NHS: variants seen among roughly 807,000 people sequenced by gnomAD.
NHS encodes actin remodeling regulator NHS.
A neutral mutation model predicts 72.5 loss-of-function variants in NHS; 5 were observed. The observed-to-expected ratio is 0.07, with a 90% CI of 0.04 to 0.14. The LOEUF (loss-of-function observed/expected upper bound fraction) is 0.14. NHS is among the 10% of genes least tolerant of loss of function. The probability of loss-of-function intolerance (pLI) is 1.00; values close to 1 mark genes in which losing one functional copy is unlikely to be tolerated. For missense variants in NHS, 1,072 were observed against 1,355.7 expected (o/e 0.79, Z 3.29); for synonymous variants, 464 against 547.7 (o/e 0.85, Z 2.13).
rs763232876 is a variant in NHS, at chrX:17,725,620, G to A, written c.1514G>A (p.Arg505Gln). The A allele has an allele frequency of 4.8e-5, 58 of 1,209,409 alleles. No individual in the cohort carries two copies. In the Middle Eastern group the frequency reaches 2.5e-3, roughly 53 times the overall value. ...TPAVSSRTRS[R>Q]SLPREGNRGG... ...GCAGTGAGCAGCCGCACAAGATCTCGGAGCCTTCCCCGGGAAGGTAATAGA... is the reference window on the plus strand; with the variant it reads ...GCAGTGAGCAGCCGCACAAGATCTCAGAGCCTTCCCCGGGAAGGTAATAGA... Residue 505 changes from arginine (R) to glutamine (Q), a missense_variant, in exon 7 of 9, where the codon CGG becomes CAG. Coordinates refer to ENST00000676302, the MANE Select transcript of NHS (RefSeq NM_001291867.2).
At chrX:17,730,364 C>T (rs994039353) in intron 8 of NHS, among the ~76,000 whole-genome samples, 2 of 111,954 alleles carry the variant, frequency 1.8e-5, no homozygotes, top group South Asian at 3.7e-4. Context: ...CTATAGCTCA[C>T]GTATTTGATT....
chrX:17,388,269 A>G (rs1201162543), intron 1 of NHS, among the ~76,000 whole-genome samples: 1 of 111,962 alleles, frequency 8.9e-6, no homozygotes, highest in Admixed American at 9.5e-5. Flanking sequence ...GACAAATCCT[A>G]AATAATAAAC....
intron 1 of NHS, among the ~76,000 whole-genome samples, chrX:17,595,924 G>T (rs1569290154): frequency 9.0e-6 from 1 of 111,527 alleles, no homozygotes; most frequent in Non-Finnish European, 1.9e-5. Context: ...GCGGAAAAGT[G>T]AATTTATATG....
At chrX:17,444,575 T>C (rs1319332755) in intron 1 of NHS, among the ~76,000 whole-genome samples, 1 of 111,862 alleles carries the variant, frequency 8.9e-6, no homozygotes, top group East Asian at 2.8e-4. Context: ...GTGATTCTAA[T>C]ATACAGCCAA....
intron 1 of NHS, among the ~76,000 whole-genome samples, chrX:17,456,416 G>A (rs2064826075): frequency 9.0e-6 from 1 of 111,695 alleles, no homozygotes; most frequent in Admixed American, 9.5e-5. Flanking sequence ...AAGGGAGAGA[G>A]GAAAGAGAGT....
At chrX:17,563,845 T>G (rs2065428140) in intron 1 of NHS, among the ~76,000 whole-genome samples, 1 of 110,127 alleles carries the variant, frequency 9.1e-6, no homozygotes, top group Non-Finnish European at 1.9e-5. Flanking sequence ...AAGGAGGGAA[T>G]GGGGATATGT....
chrX:17,731,935 G>A lies in NHS; in HGVS notation c.4427G>A (p.Ser1476Asn). The change falls in exon 9 of 9, where the codon AGT (serine) becomes AAT (asparagine). Residue 1476 changes from serine to asparagine, a missense_variant. Transcript: ENST00000676302. Reference protein sequence around the residue: ...VRSKSRAPLSSSSSSASSITS... With the variant: ...VRSKSRAPLSNSSSSASSITS... Reference sequence around the variant, plus strand: ...AGCAAATCGAGAGCTCCCCTCAGCAGTAGCAGCAGCAGCGCCAGTTCCATC... The same window carrying A: ...AGCAAATCGAGAGCTCCCCTCAGCAATAGCAGCAGCAGCGCCAGTTCCATC... 1.7e-6 allele frequency: 2 copies of A among 1,211,637 alleles called. No individual in the cohort carries two copies. The highest frequency in any genetic ancestry group is 2.2e-5 in the Admixed American group (1 of 46,071).
At chrX:17,516,594 C>T (rs945299424) in intron 1 of NHS, among the ~76,000 whole-genome samples, 1 of 108,577 alleles carries the variant, frequency 9.2e-6, no homozygotes, top group Admixed American at 9.9e-5. Flanking sequence ...CACACACACA[C>T]ACACACACAC....
chrX:17,516,207 C>A lies in NHS; in HGVS notation c.565+139885C>A, dbSNP rs755023167. The stretch of plus-strand genomic sequence containing the variant: ...AAGTTCTGTATATATTTTACACTTA[C>A]AGCATATCTCAATTCAGACTAGCCA... On this transcript the variant is annotated intron_variant, in intron 1 of 8. Coordinates refer to ENST00000676302, the MANE Select transcript of NHS (RefSeq NM_001291867.2). 2.5e-4 allele frequency among the ~76,000 whole-genome samples: 28 copies of A among 111,436 alleles called. 2 individuals carry two copies. The highest frequency in any genetic ancestry group is 2.5e-3 in the Admixed American group (26 of 10,431).
chrX:17,517,802 G>T (rs1037040938), intron 1 of NHS, among the ~76,000 whole-genome samples: 12 of 111,782 alleles, frequency 1.1e-4, no homozygotes, highest in African/African-American at 3.9e-4. Flanking sequence ...CATTTAGTTA[G>T]GCCCTTTCCA....
chrX:17,453,146 C>T (rs1265370970), intron 1 of NHS, among the ~76,000 whole-genome samples: 1 of 110,958 alleles, frequency 9.0e-6, no homozygotes, highest in Non-Finnish European at 1.9e-5. Flanking sequence ...CCTCCCCCCA[C>T]CACCAAAAAT....
At chrX:17,699,228 T>G (rs2066248234) in intron 3 of NHS, among the ~76,000 whole-genome samples, 1 of 111,559 alleles carries the variant, frequency 9.0e-6, no homozygotes, top group East Asian at 2.8e-4. Context: ...GTTAGATACT[T>G]ATGGGAAAAC....
intron 1 of NHS, among the ~76,000 whole-genome samples, chrX:17,449,975 A>C (rs1319620760): frequency 8.9e-6 from 1 of 112,037 alleles, no homozygotes; most frequent in Non-Finnish European, 1.9e-5. Flanking sequence ...CAAATGTTTG[A>C]ACAGAGAAAC....
At position 17,726,597 on chromosome X, in the gene NHS, GACC is replaced by G. The variant is rs2066445954; in HGVS notation, c.2494_2496del (p.His832del). 8.3e-7 allele frequency: 1 copy of G among 1,211,929 alleles called. No individual in the cohort carries two copies. The highest frequency in any genetic ancestry group is 3.0e-5 in the East Asian group (1 of 33,836). On this transcript the variant is annotated inframe_deletion, in exon 7 of 9. Transcript: ENST00000676302. Reference sequence around the variant, plus strand: ...AGATTGTGCCTGGCAGGACTACTTAGACCACAAGAGGCAGGGAAGACCAAGCAT... The same window carrying G: ...AGATTGTGCCTGGCAGGACTACTTAGACAAGAGGCAGGGAAGACCAAGCAT...
intron 1 of NHS, among the ~76,000 whole-genome samples, chrX:17,528,971 T>C (rs1170736184): frequency 9.0e-6 from 1 of 111,409 alleles, no homozygotes; most frequent in East Asian, 2.8e-4. Context: ...ATCTGGGATG[T>C]GTTAGACATC....
chrX:17,638,283 G>A (rs2065861082), intron 1 of NHS, among the ~76,000 whole-genome samples: 1 of 112,034 alleles, frequency 8.9e-6, no homozygotes, highest in Non-Finnish European at 1.9e-5. Context: ...GGCATAGGCT[G>A]CCACTGTCTT....
intron 1 of NHS, among the ~76,000 whole-genome samples, chrX:17,547,867 C>T (rs1470674447): frequency 8.9e-6 from 1 of 112,020 alleles, no homozygotes; most frequent in African/African-American, 3.3e-5. Context: ...CCATGGCTGG[C>T]GTCTCAGCTG....
chrX:17,694,481 G>C (rs16997200), intron 3 of NHS, among the ~76,000 whole-genome samples: 20,280 of 111,561 alleles, frequency 0.18, 3,868 homozygotes, highest in African/African-American at 0.58. Flanking sequence ...TTTGGTGAAG[G>C]CATGCTTTTC....
intron 3 of NHS, among the ~76,000 whole-genome samples, chrX:17,700,693 T>G (rs963168424): frequency 2.7e-4 from 30 of 111,285 alleles, no homozygotes; most frequent in African/African-American, 8.5e-4. Context: ...CAGATACACC[T>G]CCAGTAATAG....
Sources: gnomAD v4.1 joint callset for allele counts (sites outside exome capture counted in the v4.1 genomes callset) on GRCh38, gnomAD v4.1.1 for gene constraint, MANE v1.5 for transcripts, NCBI Gene and HGNC (gene_info 2026-07-23, HGNC 2026-07-21) for gene names.